The following HIPK2 variants were observed in gnomAD, a reference collection of about 807,000 sequenced individuals.
HIPK2 encodes the protein homeodomain interacting protein kinase 2.
In HIPK2, 27 loss-of-function variants were observed where a neutral mutation model predicts 113.7. The ratio of observed to expected loss-of-function variants is 0.24; its 90% CI spans 0.17 to 0.33. The LOEUF (loss-of-function observed/expected upper bound fraction) is 0.33, where lower values mean the gene tolerates loss of function less well. Among genes scored for constraint, HIPK2 ranks in the 10% least tolerant of loss-of-function variants. HIPK2 has a pLI of 1.00. For synonymous variants in HIPK2, 631 were observed against 642.2 expected (o/e 0.98, Z 0.26); for missense variants, 1,257 against 1,588.0 (o/e 0.79, Z 3.54).
chr7:139,607,986 C>T (rs1377895572), intron 9 of HIPK2, among the ~76,000 whole-genome samples: 1 of 152,080 alleles, frequency 6.6e-6, no homozygotes, highest in African/African-American at 2.4e-5. Flanking sequence ...CACCTGTAAT[C>T]CCAGCACTTT....
intron 9 of HIPK2, among the ~76,000 whole-genome samples, chr7:139,610,170 C>T (rs1799764729): frequency 6.6e-6 from 1 of 152,218 alleles, no homozygotes; most frequent in African/African-American, 2.4e-5. Context: ...CTACTGGTTC[C>T]ACCAAACTGA....
At chr7:139,614,621 G>T (rs1348679523) in intron 7 of HIPK2, 128 bp from the exon 8 acceptor site, 1 of 629,632 alleles carries the variant, frequency 1.6e-6, no homozygotes, top group Non-Finnish European at 2.3e-6. Context: ...AAAACTAAGA[G>T]CAGAAAGGCA....
intron 2 of HIPK2, among the ~76,000 whole-genome samples, chr7:139,669,164 C>G (rs752670484): frequency 2.6e-5 from 4 of 152,118 alleles, no homozygotes; most frequent in Non-Finnish European, 4.4e-5. Context: ...AGGGAGTGAC[C>G]TTTTGGGAAG....
In HIPK2 at chr7:139,584,076, A is replaced by G; in HGVS notation, c.2718-12T>C. 6.4e-7 allele frequency: 1 copy of G among 1,567,198 alleles called. No homozygotes were observed. Among genetic ancestry groups the G allele is most frequent in the Non-Finnish European group, 8.7e-7 (1 of 1,153,974 alleles). On this transcript the variant is annotated splice_polypyrimidine_tract_variant and intron_variant, in intron 12 of 14. Transcript: ENST00000406875. ...GCTTGGAGACAGTGCTGAAAATGCAAAGGGAGAAGTCAGAGGTGGGAGAAG... is the reference window on the plus strand; with the variant it reads ...GCTTGGAGACAGTGCTGAAAATGCAGAGGGAGAAGTCAGAGGTGGGAGAAG...
intron 2 of HIPK2, among the ~76,000 whole-genome samples, chr7:139,694,260 C>T (rs1309905675): frequency 1.3e-5 from 2 of 152,184 alleles, no homozygotes; most frequent in African/African-American, 4.8e-5. Context: ...CTGCCATGCT[C>T]CACTCTGCCA....
chr7:139,735,464 T>C (rs890951761), intron 1 of HIPK2, among the ~76,000 whole-genome samples: 2 of 152,204 alleles, frequency 1.3e-5, no homozygotes, highest in African/African-American at 4.8e-5. Flanking sequence ...CCAAATCTGC[T>C]AGGCTGAGGA....
chr7:139,576,636 G>A (rs150837220), intron 13 of HIPK2, among the ~76,000 whole-genome samples: 135 of 152,344 alleles, frequency 8.9e-4, no homozygotes, highest in African/African-American at 3.0e-3. Flanking sequence ...CACCAGGGAC[G>A]GGGGTGGCAG....
chr7:139,775,768 T>A (rs1430551600), intron 1 of HIPK2, among the ~76,000 whole-genome samples: 1 of 152,168 alleles, frequency 6.6e-6, no homozygotes, highest in East Asian at 1.9e-4. Flanking sequence ...GAGCCAAGTC[T>A]CAGCCTCGGG....
At chr7:139,771,733 C>A (rs137967999) in intron 1 of HIPK2, among the ~76,000 whole-genome samples, 1 of 152,170 alleles carries the variant, frequency 6.6e-6, no homozygotes, top group Non-Finnish European at 1.5e-5. Context: ...TAACTGCCAC[C>A]ATTTTTTTAA....
At chr7:139,760,979 T>C (rs750678495) in intron 1 of HIPK2, among the ~76,000 whole-genome samples, 1 of 152,124 alleles carries the variant, frequency 6.6e-6, no homozygotes, top group Non-Finnish European at 1.5e-5. Flanking sequence ...TGCCTAAAAG[T>C]TGTAACAAAA....
At chr7:139,637,253 C>G (rs1800844325) in intron 2 of HIPK2, among the ~76,000 whole-genome samples, 1 of 152,202 alleles carries the variant, frequency 6.6e-6, no homozygotes, top group African/African-American at 2.4e-5. Context: ...TGGCACCCCA[C>G]CCCCTTGCCG....
chr7:139,607,833 T>C (rs1319317681), intron 9 of HIPK2, among the ~76,000 whole-genome samples: 1 of 151,952 alleles, frequency 6.6e-6, no homozygotes, highest in Non-Finnish European at 1.5e-5. Context: ...TCTTCCATAA[T>C]AGGAAGTCAA....
intron 2 of HIPK2, among the ~76,000 whole-genome samples, chr7:139,675,155 C>T (rs1392745303): frequency 1.3e-5 from 2 of 152,156 alleles, no homozygotes; most frequent in Admixed American, 6.5e-5. Flanking sequence ...CTGATATATT[C>T]TGACTAATTC....
intron 1 of HIPK2, among the ~76,000 whole-genome samples, chr7:139,720,009 C>T (rs144484673): frequency 2.0e-5 from 3 of 152,314 alleles, no homozygotes; most frequent in African/African-American, 7.2e-5. Flanking sequence ...GCTGAGAACT[C>T]GATACATTTA....
rs554651842 is a variant in HIPK2 at position 139,600,147 on chromosome 7, G to A, written c.2435+270C>T. The stretch of plus-strand genomic sequence containing the variant: ...AATTTTCACTCGCCCACGCTGTATG[G>A]AGTTGAGCCCAATCTCTCTTGCCCA... On this transcript the variant is annotated intron_variant, in intron 11 of 14. Transcript: ENST00000406875. 4.5e-4 allele frequency among the ~76,000 whole-genome samples: 69 copies of A among 151,942 alleles called. 1 individual carries two copies. Among genetic ancestry groups the A allele is most frequent in the African/African-American group, 1.4e-3 (56 of 41,436 alleles).
intron 2 of HIPK2, among the ~76,000 whole-genome samples, chr7:139,699,700 G>T (rs1794655417): frequency 6.6e-6 from 1 of 152,082 alleles, no homozygotes; most frequent in Non-Finnish European, 1.5e-5. Flanking sequence ...GGTGATCTTA[G>T]GAGATGACTG....
Position 139,620,553 on chromosome 7 carries a change from AT to A in HIPK2, c.1629del (p.Cys544ValfsTer12). 1 of 1,614,188 alleles carries A rather than the reference AT, an allele frequency of 6.2e-7. No individual in the cohort carries two copies. ...TTGCAGATCTCCATGTTCTGGAAACATGATTTGACGCTGTTCATGCAAAAGG... is the reference window on the plus strand; with the variant it reads ...TTGCAGATCTCCATGTTCTGGAAACAGATTTGACGCTGTTCATGCAAAAGG... ...LDFPHSTHVK[S>X]CFQNMEICKR... is the part of the protein sequence containing the mutation. On this transcript the variant is annotated frameshift_variant, in exon 7 of 15. Transcript: ENST00000406875. LOFTEE classifies it high-confidence loss of function.
intron 2 of HIPK2, among the ~76,000 whole-genome samples, chr7:139,659,723 G>T (rs988883243): frequency 6.6e-6 from 1 of 150,930 alleles, no homozygotes; most frequent in African/African-American, 2.4e-5. Flanking sequence ...TCCAGCCCAC[G>T]AACTTCTGGC....
At chr7:139,691,524 C>G (rs188611581) in intron 2 of HIPK2, among the ~76,000 whole-genome samples, 1 of 152,232 alleles carries the variant, frequency 6.6e-6, no homozygotes, top group African/African-American at 2.4e-5. Context: ...ACACTCTGAC[C>G]TGGCACTGCT....
Sources: gnomAD v4.1 joint callset for allele counts (sites outside exome capture counted in the v4.1 genomes callset) on GRCh38, gnomAD v4.1.1 for gene constraint, MANE v1.5 for transcripts, NCBI Gene and HGNC (gene_info 2026-07-23, HGNC 2026-07-21) for gene names.